Variants in TTC7B observed in about 807,000 individuals in gnomAD.
The protein encoded by TTC7B is tetratricopeptide repeat domain 7B.
In TTC7B, 28 loss-of-function variants were observed where a neutral mutation model predicts 106.8. The ratio of observed to expected loss-of-function variants is 0.26; its 90% confidence interval spans 0.19 to 0.36. The LOEUF (loss-of-function observed/expected upper bound fraction) is 0.36, where lower values mean the gene tolerates loss of function less well. Among genes scored for constraint, TTC7B ranks in the 10% least tolerant of loss-of-function variants. The pLI is 1.00. For synonymous variants in TTC7B, 405 were observed against 430.6 expected (o/e 0.94, Z 0.74); for missense variants, 862 against 1,076.4 (o/e 0.80, Z 2.79).
intron 5 of TTC7B, among the ~76,000 whole-genome samples, chr14:90,703,683 C>T (rs1344124989): frequency 6.6e-6 from 1 of 152,160 alleles, no homozygotes; most frequent in Non-Finnish European, 1.5e-5. Flanking sequence ...GACTGTGGGA[C>T]GACAGGCGTC....
chr14:90,528,144 G>A lies in TTC7B; in HGVS notation c.*13224C>T, dbSNP rs554360085. ...TTACCCATACAAACCATGGAAACAG[G>A]AATGGGTGACAGCCCCACGCTCCCC... On this transcript the variant is annotated 3_prime_UTR_variant, in exon 20 of 20. Coordinates refer to ENST00000328459, the MANE Select transcript of TTC7B (RefSeq NM_001010854.2). 107 of 152,282 alleles carry A rather than the reference G, an allele frequency of 7.0e-4. No individual in the cohort carries two copies. Among genetic ancestry groups the A allele is most frequent in the African/African-American group, 2.5e-3 (106 of 41,576 alleles). The allele number at this position is 152,282 out of a possible 1,614,324, so 9.4% of individuals were successfully genotyped here. A position where few individuals can be genotyped will look rare whatever the true frequency, so the allele number is the denominator to read the frequency against.
intron 3 of TTC7B, chr14:90,766,585 A>C: frequency 1.2e-6 from 1 of 822,436 alleles, no homozygotes; most frequent in Non-Finnish European, 2.2e-6. Flanking sequence ...ACTCAACACC[A>C]TCATCGATGG....
At chr14:90,572,699 G>A (rs564665796) in intron 19 of TTC7B, among the ~76,000 whole-genome samples, 92 of 152,290 alleles carry the variant, frequency 6.0e-4, no homozygotes, top group Non-Finnish European at 1.1e-3. Flanking sequence ...CTCACAATCC[G>A]TCCACAGAAG....
chr14:90,593,706 C>T (rs987052297), intron 17 of TTC7B, 80 bp from the exon 18 acceptor site: 4 of 1,354,368 alleles, frequency 3.0e-6, no homozygotes, highest in African/African-American at 1.5e-5. Context: ...CACAGACAAG[C>T]GCGGAACACA....
chr14:90,644,655 T>G (rs1414897900), intron 14 of TTC7B: 5 of 154,356 alleles, frequency 3.2e-5, no homozygotes, highest in Admixed American at 3.2e-4. Flanking sequence ...TCTCATTTTT[T>G]CAAGTATTAC....
At chr14:90,815,359 A>T (rs11623677) in intron 1 of TTC7B, among the ~76,000 whole-genome samples, 51,887 of 151,942 alleles carry the variant, frequency 0.34, 9,269 homozygotes, top group Non-Finnish European at 0.37. Flanking sequence ...GAACCAATCC[A>T]GTTAAAGGGG....
At chr14:90,643,984 G>T in intron 15 of TTC7B, 64 bp downstream of exon 15, 1 of 1,582,910 alleles carries the variant, frequency 6.3e-7, no homozygotes, top group Non-Finnish European at 8.7e-7. Flanking sequence ...TGGAAAGAAG[G>T]CAGGGGAAGA....
intron 3 of TTC7B, among the ~76,000 whole-genome samples, chr14:90,770,653 C>CAAAA (rs1376952647): frequency 9.5e-6 from 1 of 105,138 alleles, no homozygotes; most frequent in Non-Finnish European, 2.0e-5. Context: ...AACTCCATCT[C>CAAAA]AAAAAAAAAA....
At chr14:90,707,561 T>C (rs1016268935) in intron 5 of TTC7B, among the ~76,000 whole-genome samples, 15 of 152,166 alleles carry the variant, frequency 9.9e-5, no homozygotes, top group African/African-American at 3.4e-4. Context: ...AAAGGAAGAC[T>C]GCTTGAAGAA....
At chr14:90,796,501 TTG>T (rs1217211764) in intron 1 of TTC7B, among the ~76,000 whole-genome samples, 3 of 152,178 alleles carry the variant, frequency 2.0e-5, no homozygotes, top group Non-Finnish European at 4.4e-5. Flanking sequence ...CTTGGCCTCC[TTG>T]ATCCCCCCCA....
intron 4 of TTC7B, among the ~76,000 whole-genome samples, chr14:90,740,494 C>CTTTTTTTTTTTTTTT (rs71461924): frequency 2.6e-5 from 2 of 78,314 alleles, no homozygotes; most frequent in Non-Finnish European, 4.5e-5. Context: ...AATTCTTTGA[C>CTTTTTTTTTTTTTTT]TTTTTTTTTT....
intron 16 of TTC7B, among the ~76,000 whole-genome samples, chr14:90,611,792 T>C (rs1352018503): frequency 2.0e-5 from 3 of 152,224 alleles, no homozygotes; most frequent in Admixed American, 6.5e-5. Context: ...ATGGATTTCT[T>C]TTTTAAATTC....
intron 18 of TTC7B, among the ~76,000 whole-genome samples, chr14:90,586,868 C>T (rs1413120583): frequency 6.6e-6 from 1 of 152,182 alleles, no homozygotes; most frequent in African/African-American, 2.4e-5. Flanking sequence ...CAGGCTTCCT[C>T]ATTGCAGCAA....
intron 9 of TTC7B, among the ~76,000 whole-genome samples, chr14:90,660,205 G>A (rs111340682): frequency 0.037 from 5,554 of 151,576 alleles, 137 homozygotes; most frequent in Non-Finnish European, 0.054. Flanking sequence ...GCAACATAGC[G>A]AGACCCCTGT....
intron 3 of TTC7B, among the ~76,000 whole-genome samples, chr14:90,774,966 G>A (rs1287876221): frequency 2.0e-5 from 3 of 151,892 alleles, no homozygotes; most frequent in Non-Finnish European, 2.9e-5. Context: ...TCACTTGAAC[G>A]CGGGAGGCAG....
chr14:90,628,259 T>G (rs191160436), intron 15 of TTC7B, among the ~76,000 whole-genome samples: 1 of 152,356 alleles, frequency 6.6e-6, no homozygotes, highest in East Asian at 1.9e-4. Flanking sequence ...CTAAAATAAA[T>G]ACACTGTTCT....
intron 3 of TTC7B, among the ~76,000 whole-genome samples, chr14:90,768,271 C>T (rs147008604): frequency 3.3e-4 from 51 of 152,268 alleles, no homozygotes; most frequent in Middle Eastern, 3.4e-3. Flanking sequence ...TTAATTGACT[C>T]ACAGTTCCAC....
chr14:90,769,742 C>G (rs1017620465), intron 3 of TTC7B, among the ~76,000 whole-genome samples: 5 of 151,778 alleles, frequency 3.3e-5, no homozygotes, highest in African/African-American at 1.2e-4. Flanking sequence ...GTGCTGCAGC[C>G]TGGATGACAC....
chr14:90,660,916 AG>A (rs1414463746), intron 9 of TTC7B, among the ~76,000 whole-genome samples: 10 of 152,242 alleles, frequency 6.6e-5, no homozygotes, highest in Admixed American at 2.6e-4. Context: ...GAGCAAGGTG[AG>A]CACGGGCAAT....
Sources: gnomAD v4.1 joint callset for allele counts (sites outside exome capture counted in the v4.1 genomes callset) on GRCh38, gnomAD v4.1.1 for gene constraint, MANE v1.5 for transcripts, NCBI Gene and HGNC (gene_info 2026-07-23, HGNC 2026-07-21) for gene names.